Variants in ERN2 observed in about 807,000 individuals in gnomAD.
ERN2 encodes the protein endoplasmic reticulum to nucleus signaling 2.
ERN2 carries 111 observed loss-of-function variants against 107.9 expected under a neutral mutation model. The ratio of observed to expected loss-of-function variants is 1.03; its 90% CI spans 0.88 to 1.20. The LOEUF (loss-of-function observed/expected upper bound fraction) is 1.20. Ranked by LOEUF, ERN2 falls within the 50% of genes most tolerant of loss-of-function variation. ERN2 has a pLI of 0.00. For missense variants in ERN2, 1,225 were observed against 1,197.9 expected (o/e 1.02, Z -0.33); for synonymous variants, 524 against 501.7 (o/e 1.04, Z -0.59).
chr16:23,702,559 C>T (rs780896088), intron 9 of ERN2, 22 bp from the exon 10 acceptor site: 4 of 1,613,912 alleles, frequency 2.5e-6, no homozygotes, highest in Non-Finnish European at 3.4e-6. Flanking sequence ...GATGGAGAGC[C>T]ATGAGTGAGG....
In ERN2 at chr16:23,693,577, G is replaced by C. The variant is rs187571217; in HGVS notation, c.2100+1151C>G. Among the ~76,000 whole-genome samples the C allele has an allele frequency of 4.2e-4, 60 of 144,352 alleles. No individual in the cohort carries two copies. In the East Asian group the frequency reaches 4.7e-3, roughly 11 times the overall value. 94.7% of individuals were successfully genotyped at this position (144,352 alleles called of 152,430 possible). On this transcript the variant is annotated intron_variant, in intron 17 of 21. Transcript: ENST00000256797. Reference sequence around the variant, plus strand: ...GCACTCCAGCTTGGGCAACAAGAGCGAAACTCCATCTCAAAAAAAAAAAAA... The same window carrying C: ...GCACTCCAGCTTGGGCAACAAGAGCCAAACTCCATCTCAAAAAAAAAAAAA...
At chr16:23,697,056 GCTACTCA>G (rs1214517829) in intron 13 of ERN2, 96 of 152,002 alleles carry the variant, frequency 6.3e-4, no homozygotes, top group African/African-American at 2.3e-3. Context: ...CTGTCATCCA[GCTACTCA>G]GTAGGCTGAG....
intron 14 of ERN2, 49 bp from the exon 15 acceptor site, chr16:23,695,438 A>C: frequency 6.6e-7 from 1 of 1,524,916 alleles, no homozygotes; most frequent in Non-Finnish European, 8.9e-7. Context: ...GGGAAAGCAG[A>C]TAAAGGGACA....
intron 4 of ERN2, chr16:23,709,945 T>C (rs1408322588): frequency 9.6e-6 from 5 of 518,552 alleles, no homozygotes; most frequent in African/African-American, 5.7e-5. Flanking sequence ...GAGAAGGCCC[T>C]GGGATACCTC....
intron 6 of ERN2, 69 bp downstream of exon 6, chr16:23,706,685 C>T: frequency 9.0e-7 from 1 of 1,112,054 alleles, no homozygotes; most frequent in Non-Finnish European, 1.3e-6. Context: ...TGGTTAGCCA[C>T]AGCTAGATCT....
intron 11 of ERN2, among the ~76,000 whole-genome samples, chr16:23,701,610 T>C (rs1960066560): frequency 1.3e-5 from 2 of 152,002 alleles, no homozygotes; most frequent in South Asian, 4.1e-4. Context: ...AAATGTGACC[T>C]ATGTTTCATG....
chr16:23,701,715 A>C (rs1338309901), intron 11 of ERN2, among the ~76,000 whole-genome samples: 1 of 151,036 alleles, frequency 6.6e-6, no homozygotes, highest in East Asian at 1.9e-4. Flanking sequence ...CTGCAGCCTC[A>C]AACTCTTGGG....
chr16:23,705,910 T>A (rs1960285180), intron 7 of ERN2, among the ~76,000 whole-genome samples: 1 of 152,056 alleles, frequency 6.6e-6, no homozygotes, highest in African/African-American at 2.4e-5. Flanking sequence ...TGAGACCCCA[T>A]CTCACAAAAA....
At chr16:23,711,960 C>A (rs1002439158) in intron 1 of ERN2, 1 of 394,834 alleles carries the variant, frequency 2.5e-6, no homozygotes, top group Admixed American at 2.6e-5. Context: ...GCTGGAGCCA[C>A]CCGTACTTAC....
At chr16:23,707,493 C>A in intron 4 of ERN2, 1 of 198,870 alleles carries the variant, frequency 5.0e-6, no homozygotes, top group Non-Finnish European at 1.0e-5. Flanking sequence ...AGCAGAGGAT[C>A]GCTTGGGCCC....
chr16:23,710,612 C>CAGTGA, intron 2 of ERN2, 63 bp from the exon 3 acceptor site: 1 of 1,559,224 alleles, frequency 6.4e-7, no homozygotes. Flanking sequence ...AAGCACAGCT[C>CAGTGA]ATATTCACTG....
rs1187671445 is a variant in ERN2, at chr16:23,702,127, C to CA, written c.1203+24dup. 1.0e-5 allele frequency: 16 copies of CA among 1,603,228 alleles called. No homozygotes were observed. In the African/African-American group the frequency reaches 1.2e-4, roughly 12 times the overall value. On this transcript the variant is annotated intron_variant, in intron 11 of 21. Coordinates refer to ENST00000256797, the MANE Select transcript of ERN2 (RefSeq NM_033266.4). ...CCATCTGCTGGGGCCTCCCTACCCC[C>CA]ACTCTCTCCCCTCCCAGCACTGACC... is the stretch of plus-strand genomic sequence containing the variant.
chr16:23,700,750 C>T, intron 12 of ERN2, 46 bp from the exon 13 acceptor site: 1 of 1,571,836 alleles, frequency 6.4e-7, no homozygotes, highest in Middle Eastern at 1.8e-4. Context: ...CCACGCCCTG[C>T]CCCGTGATGG....
At chr16:23,708,413 G>A (rs1960410952) in intron 4 of ERN2, among the ~76,000 whole-genome samples, 2 of 133,476 alleles carry the variant, frequency 1.5e-5, no homozygotes, top group Non-Finnish European at 3.1e-5. Context: ...CTGGAGTGCA[G>A]TGGTGCGGTC....
intron 13 of ERN2, among the ~76,000 whole-genome samples, chr16:23,700,064 C>T (rs935135663): frequency 5.3e-5 from 8 of 152,072 alleles, no homozygotes; most frequent in Admixed American, 5.2e-4. Context: ...CATGGTGACT[C>T]ATGCCTGTAA....
Position 23,706,358 on chromosome 16 carries a change from C to A in ERN2, c.561G>T (p.Ala187=). 1 of 1,556,126 alleles carries A rather than the reference C, an allele frequency of 6.4e-7. No individual in the cohort carries two copies. Among genetic ancestry groups the A allele is most frequent in the Admixed American group, 2.0e-5 (1 of 49,086 alleles). The stretch of plus-strand genomic sequence containing the variant: ...TCCCAGGTGAGCCATCCATGGGGGG[C>A]GCTGAGTAGCGGCGGTAGGTGGTGT... ...RWNTTYRRYS[A]PPMDGSPGKY... The change falls in exon 7 of 22, where the codon GCG becomes GCT. Residue 187 remains alanine, a synonymous_variant. Coordinates refer to ENST00000256797, the MANE Select transcript of ERN2 (RefSeq NM_033266.4).
Position 23,690,487 on chromosome 16 carries a change from C to T in ERN2, c.*344G>A, listed in dbSNP as rs1959538354. The T allele has an allele frequency of 1.1e-5, 5 of 463,732 alleles. No individual in the cohort carries two copies. In the East Asian group the frequency reaches 1.2e-4, roughly 11 times the overall value. 28.7% of individuals were successfully genotyped at this position (463,732 alleles called of 1,614,324 possible). A position where few individuals can be genotyped will look rare whatever the true frequency, so the allele number is the denominator to read the frequency against. On this transcript the variant is annotated 3_prime_UTR_variant, in exon 22 of 22. Transcript: ENST00000256797. The stretch of plus-strand genomic sequence containing the variant: ...TGGGGGAAAGGGGGTGACAGTGTCT[C>T]TCTGTGGACCAGGCTGGAGTGCAGT...
chr16:23,700,533 G>A lies in ERN2; in HGVS notation c.1525+6C>T. On this transcript the variant is annotated splice_donor_region_variant and intron_variant, in intron 13 of 21. Transcript: ENST00000256797. ...TGACTGCCCTGTCTTGTTCACACAG[G>A]CTCACCTTCAGGGTCGTCGAGTGGC... The A allele has an allele frequency of 6.2e-7, 1 of 1,608,042 alleles. No individual in the cohort carries two copies. The highest frequency in any genetic ancestry group is 8.5e-7 in the Non-Finnish European group (1 of 1,177,298).
At position 23,700,661 on chromosome 16, in the gene ERN2, G is replaced by T. The variant is rs1282105234; in HGVS notation, c.1403C>A (p.Ala468Glu). The T allele has an allele frequency of 6.2e-7, 1 of 1,613,912 alleles. No individual in the cohort carries two copies. Among genetic ancestry groups the T allele is most frequent in the Non-Finnish European group, 8.5e-7 (1 of 1,179,976 alleles). ...VVEKQQETPL[A>E]PADFAHISQD... is the part of the protein sequence containing the mutation. ...GGAGATGTGAGCAAAGTCTGCAGGT[G>T]CCAGGGGGGTCTCCTGCTGCTTCTC... is the stretch of plus-strand genomic sequence containing the variant. The change falls in exon 13 of 22, where the codon GCA becomes GAA. Residue 468 changes from alanine to glutamate, a missense_variant. By Grantham distance (107) the Ala-to-Glu change is moderately radical. Coordinates refer to ENST00000256797, the MANE Select transcript of ERN2 (RefSeq NM_033266.4).
Sources: gnomAD v4.1 joint callset for allele counts (sites outside exome capture counted in the v4.1 genomes callset) on GRCh38, gnomAD v4.1.1 for gene constraint, MANE v1.5 for transcripts, NCBI Gene and HGNC (gene_info 2026-07-23, HGNC 2026-07-21) for gene names.